PDE1A: variants seen among roughly 807,000 people sequenced by gnomAD.
PDE1A encodes dual specificity calcium/calmodulin-dependent 3',5'-cyclic nucleotide phosphodiesterase 1A.
Under a neutral mutation model 61.7 loss-of-function variants are expected in PDE1A, and 35 were observed. The ratio of observed to expected loss-of-function variants is 0.57; its 90% CI spans 0.43 to 0.75. The LOEUF (loss-of-function observed/expected upper bound fraction) is 0.75. Among genes scored for constraint, PDE1A ranks in the 30% least tolerant of loss-of-function variants. The probability of loss-of-function intolerance (pLI) is 0.00; values close to 1 mark genes in which losing one functional copy is unlikely to be tolerated. For missense variants in PDE1A, 597 were observed against 630.6 expected, an observed-to-expected ratio of 0.95 and a Z score of 0.57; for synonymous variants, 232 against 213.2, an observed-to-expected ratio of 1.09 and a Z score of -0.77.
rs780203751 is a variant in PDE1A, at chr2:182,348,880, C to T, written c.53+77698G>A. Among the ~76,000 whole-genome samples the T allele has an allele frequency of 4.5e-4, 69 of 151,768 alleles. 1 individual carries two copies. Among genetic ancestry groups the T allele is most frequent in the South Asian group, 6.2e-4 (3 of 4,820 alleles). On this transcript the variant is annotated intron_variant, in intron 1 of 13. Coordinates refer to ENST00000351439, the Ensembl canonical transcript of PDE1A. Reference sequence around the variant, plus strand: ...AACAGATTGAGCTAGACGGTTTTGTCTGTGGATAGAGGAAAGAACTCAAGA... The same window carrying T: ...AACAGATTGAGCTAGACGGTTTTGTTTGTGGATAGAGGAAAGAACTCAAGA...
chr2:182,705,211 T>C, the PDE1A span, among the ~76,000 whole-genome samples: 4 of 152,194 alleles, frequency 2.6e-5, no homozygotes, highest in East Asian at 7.7e-4. Flanking sequence ...TTTTCTCCCT[T>C]TTCTTTCCCA....
At chr2:182,454,708 C>T (rs1461725144) in intron 2 of PDE1A, among the ~76,000 whole-genome samples, 1 of 151,818 alleles carries the variant, frequency 6.6e-6, no homozygotes, top group African/African-American at 2.4e-5. Flanking sequence ...GGAAAACTGG[C>T]TAGCCATATG....
chr2:182,313,604 T>A (rs1041978828), intron 1 of PDE1A, among the ~76,000 whole-genome samples: 24 of 152,236 alleles, frequency 1.6e-4, no homozygotes, highest in African/African-American at 5.8e-4. Context: ...ACACTTAATT[T>A]TATTTTCATA....
At chr2:182,385,068 C>A (rs1700950315) in intron 1 of PDE1A, among the ~76,000 whole-genome samples, 3 of 152,116 alleles carry the variant, frequency 2.0e-5, no homozygotes, top group Admixed American at 6.5e-5. Context: ...CTGTACCCAA[C>A]AAAGCTTTAT....
At chr2:182,325,217 A>T (rs1696962107) in intron 1 of PDE1A, among the ~76,000 whole-genome samples, 1 of 152,234 alleles carries the variant, frequency 6.6e-6, no homozygotes. Flanking sequence ...CTTGTTGGTT[A>T]GTAATTAATT....
chr2:182,313,928 C>T (rs975081051), intron 1 of PDE1A, among the ~76,000 whole-genome samples: 7 of 152,146 alleles, frequency 4.6e-5, no homozygotes, highest in East Asian at 1.9e-4. Context: ...TTGAAACATA[C>T]GTATTGTAGG....
chr2:182,215,514 G>A (rs1367200946), intron 7 of PDE1A, among the ~76,000 whole-genome samples: 7 of 151,474 alleles, frequency 4.6e-5, no homozygotes, highest in African/African-American at 9.7e-5. Context: ...TTGACAGACC[G>A]CTAGCAAGAC....
At chr2:182,227,228 GGT>G (rs1363598955) in intron 6 of PDE1A, among the ~76,000 whole-genome samples, 3 of 151,920 alleles carry the variant, frequency 2.0e-5, no homozygotes, top group Admixed American at 2.0e-4. Flanking sequence ...TATATGAATG[GGT>G]AGAAGCTAAT....
At chr2:182,455,778 G>A (rs916366048) in intron 2 of PDE1A, among the ~76,000 whole-genome samples, 2 of 151,948 alleles carry the variant, frequency 1.3e-5, no homozygotes, top group Non-Finnish European at 2.9e-5. Flanking sequence ...ATGGGGGAGG[G>A]AAAGCATTAG....
At chr2:182,559,512 T>A in the PDE1A span, among the ~76,000 whole-genome samples, 2 of 152,156 alleles carry the variant, frequency 1.3e-5, no homozygotes, top group Non-Finnish European at 2.9e-5. Context: ...CAACCAGAAT[T>A]CTCTGACATT....
chr2:182,516,834 G>A (rs950342455), intron 2 of PDE1A, among the ~76,000 whole-genome samples: 7 of 43,848 alleles, frequency 1.6e-4, no homozygotes, highest in Non-Finnish European at 4.1e-4. Flanking sequence ...AGGAAGGAAG[G>A]GAGGGAGGGA....
intron 1 of PDE1A, among the ~76,000 whole-genome samples, chr2:182,357,398 C>T (rs1699255084): frequency 6.6e-6 from 1 of 152,030 alleles, no homozygotes; most frequent in African/African-American, 2.4e-5. Context: ...TCTCTGAAAT[C>T]AGTTCATTGC....
At chr2:182,283,701 G>C (rs979399431) in intron 1 of PDE1A, among the ~76,000 whole-genome samples, 1 of 151,958 alleles carries the variant, frequency 6.6e-6, no homozygotes, top group Non-Finnish European at 1.5e-5. Flanking sequence ...TCATGCTTAG[G>C]AACTGGGGTC....
At chr2:182,191,751 A>G (rs983867516) in intron 10 of PDE1A, among the ~76,000 whole-genome samples, 1 of 151,732 alleles carries the variant, frequency 6.6e-6, no homozygotes, top group Non-Finnish European at 1.5e-5. Context: ...TAAGGACACA[A>G]ATGTAATAGA....
At chr2:182,316,232 T>A (rs1696334261) in intron 1 of PDE1A, among the ~76,000 whole-genome samples, 1 of 152,202 alleles carries the variant, frequency 6.6e-6, no homozygotes, top group African/African-American at 2.4e-5. Context: ...AATGAGGTAA[T>A]TTATGTGGTC....
At chr2:182,359,926 T>C (rs1699404044) in intron 1 of PDE1A, among the ~76,000 whole-genome samples, 1 of 152,152 alleles carries the variant, frequency 6.6e-6, no homozygotes, top group Admixed American at 6.6e-5. Context: ...GGTCCAACGA[T>C]TTTATACAGT....
rs1684754107 is a variant in PDE1A at position 182,440,958 on chromosome 2, C to T, written c.101+81318G>A. Reference sequence around the variant, plus strand: ...TTTTTTGGATACTAATGCATGTGTACTAGTCCATTCTCATGCTACTAATAA... The same window carrying T: ...TTTTTTGGATACTAATGCATGTGTATTAGTCCATTCTCATGCTACTAATAA... On this transcript the variant is annotated intron_variant, in intron 2 of 14. Transcript: ENST00000410103. Among the ~76,000 whole-genome samples, 2 of 151,948 alleles carry T rather than the reference C, an allele frequency of 1.3e-5. 1 individual carries two copies. Among genetic ancestry groups the T allele is most frequent in the Admixed American group, 1.3e-4 (2 of 15,210 alleles).
At chr2:182,269,905 G>T (rs1376839511) in intron 1 of PDE1A, among the ~76,000 whole-genome samples, 13 of 152,020 alleles carry the variant, frequency 8.6e-5, no homozygotes, top group African/African-American at 2.4e-4. Context: ...GAAAGAAAAA[G>T]GCTATGGGCT....
At chr2:182,551,361 C>T in the PDE1A span, among the ~76,000 whole-genome samples, 2 of 152,030 alleles carry the variant, frequency 1.3e-5, no homozygotes, top group East Asian at 1.9e-4. Context: ...GATGGTGATC[C>T]AGAAGCTAAA....
Sources: allele counts gnomAD v4.1 joint callset (sites outside exome capture counted in the v4.1 genomes callset), GRCh38; gene constraint gnomAD v4.1.1; transcripts MANE v1.5; gene names NCBI Gene and HGNC (gene_info 2026-07-23, HGNC 2026-07-21).